The following SLIT3 variants were observed in gnomAD, a reference collection of about 807,000 sequenced individuals.
SLIT3 encodes the protein slit homolog 3 protein.
A neutral mutation model predicts 184.0 loss-of-function variants in SLIT3; 68 were observed. The observed-to-expected ratio is 0.37, with a 90% CI of 0.30 to 0.45. SLIT3 has a LOEUF of 0.45. Ranked by LOEUF, SLIT3 falls within the 20% of genes least tolerant of loss-of-function variation. SLIT3 has a pLI of 1.00. For synonymous variants in SLIT3, 831 were observed against 828.6 expected, an observed-to-expected ratio of 1.00 and a Z score of -0.05; for missense variants, 1,707 against 2,026.0, an observed-to-expected ratio of 0.84 and a Z score of 3.02.
intron 20 of SLIT3, among the ~76,000 whole-genome samples, chr5:168,730,075 C>A (rs1763248753): frequency 6.7e-6 from 1 of 149,278 alleles, no homozygotes; most frequent in South Asian, 2.1e-4. Flanking sequence ...AGTAGCTACA[C>A]TTATATCAGA....
At chr5:169,097,435 G>A (rs1306804117) in intron 4 of SLIT3, among the ~76,000 whole-genome samples, 4 of 151,938 alleles carry the variant, frequency 2.6e-5, no homozygotes, top group African/African-American at 9.7e-5. Flanking sequence ...GGTAGAAGGT[G>A]GAAGAGAAAA....
intron 1 of SLIT3, among the ~76,000 whole-genome samples, chr5:169,297,581 A>T (rs1159241907): frequency 3.3e-5 from 5 of 152,206 alleles, no homozygotes; most frequent in Admixed American, 2.0e-4. Flanking sequence ...AACACAATTT[A>T]AACCTTTGAG....
rs1188205537 is a variant in SLIT3, at chr5:168,879,523, C to T, written c.485+3742G>A. Among the ~76,000 whole-genome samples, 3 of 152,202 alleles carry T rather than the reference C, an allele frequency of 2.0e-5. No individual in the cohort carries two copies. The East Asian group carries it at 5.8e-4, about 29-fold the overall frequency. ...CACCTCTGTCCAGATGCTTCTCCTC[C>T]ATGAAGCATCAGCTCCTCAGCTCAG... On this transcript the variant is annotated intron_variant, in intron 5 of 35. Transcript: ENST00000519560.
At chr5:168,960,163 G>C (rs1762955508) in intron 4 of SLIT3, among the ~76,000 whole-genome samples, 1 of 152,164 alleles carries the variant, frequency 6.6e-6, no homozygotes, top group South Asian at 2.1e-4. Flanking sequence ...AGGAGGGCAG[G>C]GGCCATGTCT....
At chr5:168,733,527 C>T (rs770048414) in intron 20 of SLIT3, among the ~76,000 whole-genome samples, 5 of 152,012 alleles carry the variant, frequency 3.3e-5, no homozygotes, top group East Asian at 3.9e-4. Flanking sequence ...AGCAAAGATA[C>T]GGAATCAACC....
At chr5:168,694,583 C>T (rs1041174837) in intron 28 of SLIT3, among the ~76,000 whole-genome samples, 1 of 152,156 alleles carries the variant, frequency 6.6e-6, no homozygotes, top group Non-Finnish European at 1.5e-5. Context: ...CAGTCTTTCT[C>T]TCTCTCTCTG....
intron 4 of SLIT3, among the ~76,000 whole-genome samples, chr5:169,021,501 C>A (rs1756594825): frequency 6.6e-6 from 1 of 152,114 alleles, no homozygotes; most frequent in Non-Finnish European, 1.5e-5. Flanking sequence ...CAGGCACCAG[C>A]CACCATGCCT....
intron 3 of SLIT3, among the ~76,000 whole-genome samples, chr5:169,232,500 C>T (rs1765041038): frequency 6.6e-6 from 1 of 152,198 alleles, no homozygotes; most frequent in African/African-American, 2.4e-5. Flanking sequence ...GCTGAGATTA[C>T]AGGCACAAAC....
At chr5:168,959,323 A>G (rs1358275446) in intron 4 of SLIT3, among the ~76,000 whole-genome samples, 1 of 152,182 alleles carries the variant, frequency 6.6e-6, no homozygotes, top group Non-Finnish European at 1.5e-5. Context: ...AGTCTCTTCC[A>G]AGAATAACAT....
intron 29 of SLIT3, among the ~76,000 whole-genome samples, chr5:168,687,560 C>T (rs1423758068): frequency 6.6e-6 from 1 of 152,134 alleles, no homozygotes; most frequent in Non-Finnish European, 1.5e-5. Flanking sequence ...CCCTGAGGAC[C>T]CCCACACCCC....
Position 169,300,860 on chromosome 5 carries a change from G to A in SLIT3, c.-151C>T. ...CGAGCTCGGTGCTCAGGCGCACGGGGCGCGGGCGGAGCGGGGCGCTCCGGG... is the reference window on the plus strand; with the variant it reads ...CGAGCTCGGTGCTCAGGCGCACGGGACGCGGGCGGAGCGGGGCGCTCCGGG... On this transcript the variant is annotated 5_prime_UTR_variant, in exon 1 of 36. Transcript: ENST00000519560. This position sits in a 1 kb window ranked among gnomAD's most constrained non-coding sequence, Gnocchi z 4.1. 4 of 742,964 alleles carry A rather than the reference G, an allele frequency of 5.4e-6. No individual in the cohort carries two copies. The highest frequency in any genetic ancestry group is 7.2e-6 in the Non-Finnish European group (4 of 557,370). 46.0% of individuals were successfully genotyped at this position (742,964 alleles called of 1,614,324 possible). A position where few individuals can be genotyped will look rare whatever the true frequency, so the allele number is the denominator to read the frequency against.
At chr5:169,176,687 G>A (rs56214554) in intron 4 of SLIT3, among the ~76,000 whole-genome samples, 5 of 152,144 alleles carry the variant, frequency 3.3e-5, no homozygotes, top group Admixed American at 6.5e-5. Flanking sequence ...ACTATGTAAC[G>A]TTGCCCTGTA....
intron 4 of SLIT3, among the ~76,000 whole-genome samples, chr5:168,952,240 A>G (rs985620173): frequency 1.1e-4 from 17 of 152,302 alleles, no homozygotes; most frequent in Admixed American, 8.5e-4. Context: ...GAAAACGCAA[A>G]ATAGGATGCT....
At chr5:169,284,073 T>C (rs1201229986) in intron 1 of SLIT3, among the ~76,000 whole-genome samples, 1 of 151,930 alleles carries the variant, frequency 6.6e-6, no homozygotes, top group Non-Finnish European at 1.5e-5. Context: ...AAAACAATGC[T>C]GTAAAAAAAA....
At chr5:168,957,010 C>T (rs1458456405) in intron 4 of SLIT3, among the ~76,000 whole-genome samples, 1 of 151,598 alleles carries the variant, frequency 6.6e-6, no homozygotes, top group Non-Finnish European at 1.5e-5. Flanking sequence ...AGGTGGATCA[C>T]CTGAGGTCAG....
At chr5:169,214,074 A>G (rs1166360457) in intron 3 of SLIT3, among the ~76,000 whole-genome samples, 3 of 152,052 alleles carry the variant, frequency 2.0e-5, no homozygotes, top group Non-Finnish European at 2.9e-5. Context: ...ACAATTGACT[A>G]AACTCATCAA....
At chr5:168,934,664 G>T (rs1371018648) in intron 4 of SLIT3, among the ~76,000 whole-genome samples, 1 of 152,130 alleles carries the variant, frequency 6.6e-6, no homozygotes, top group Non-Finnish European at 1.5e-5. Context: ...CTTTGAGACT[G>T]GGGAGGAGTG....
intron 4 of SLIT3, among the ~76,000 whole-genome samples, chr5:169,186,155 T>C (rs944579322): frequency 7.2e-5 from 11 of 152,044 alleles, no homozygotes; most frequent in African/African-American, 1.9e-4. Flanking sequence ...CTAATCCCAA[T>C]ACCTCAGAAT....
At chr5:168,988,811 C>T (rs62378611) in intron 4 of SLIT3, among the ~76,000 whole-genome samples, 6,000 of 152,232 alleles carry the variant, frequency 0.039, 159 homozygotes, top group Non-Finnish European at 0.057. Flanking sequence ...AATTGAGCCT[C>T]GAAAGCCTTC....
Sources: gnomAD v4.1 joint callset for allele counts (sites outside exome capture counted in the v4.1 genomes callset) on GRCh38, gnomAD v4.1.1 for gene constraint, Gnocchi (gnomAD v3.1) non-coding constraint, MANE v1.5 for transcripts, NCBI Gene and HGNC (gene_info 2026-07-23, HGNC 2026-07-21) for gene names.